Variants in SCUBE2 observed in about 807,000 individuals in gnomAD.
SCUBE2 encodes the protein signal peptide, CUB and EGF-like domain-containing protein 2.
A neutral mutation model predicts 125.9 loss-of-function variants in SCUBE2; 114 were observed. The observed-to-expected ratio is 0.91, with a 90% CI of 0.78 to 1.06. The LOEUF is 1.06. SCUBE2 is among the 50% of genes least tolerant of loss of function. The pLI is 0.00. For missense variants in SCUBE2, 1,255 were observed against 1,301.8 expected, an observed-to-expected ratio of 0.96 and a Z score of 0.55; for synonymous variants, 459 against 492.9, an observed-to-expected ratio of 0.93 and a Z score of 0.91.
intron 7 of SCUBE2, 51 bp from the exon 8 acceptor site, chr11:9,060,575 C>A (rs1282172531): frequency 2.0e-6 from 3 of 1,497,794 alleles, no homozygotes; most frequent in African/African-American, 2.7e-5. Context: ...AGTGCTGATA[C>A]AGCTGACGAA....
intron 5 of SCUBE2, among the ~76,000 whole-genome samples, chr11:9,068,070 G>A (rs966887373): frequency 6.6e-5 from 10 of 152,202 alleles, no homozygotes; most frequent in Non-Finnish European, 1.5e-5. Flanking sequence ...GCTTGAGTGT[G>A]ATGGTGGCAC....
chr11:9,035,201 G>A (rs1856658589), intron 16 of SCUBE2, among the ~76,000 whole-genome samples: 1 of 152,164 alleles, frequency 6.6e-6, no homozygotes, highest in Non-Finnish European at 1.5e-5. Context: ...ACTAACATTT[G>A]TTGAGTACTT....
intron 16 of SCUBE2, among the ~76,000 whole-genome samples, chr11:9,036,578 G>T (rs947880182): frequency 1.3e-5 from 2 of 152,152 alleles, no homozygotes; most frequent in African/African-American, 4.8e-5. Flanking sequence ...ACTCATCCAC[G>T]GAAGGGAAAG....
At chr11:9,048,164 G>C in intron 14 of SCUBE2, 66 bp from the exon 15 acceptor site, 1 of 1,502,782 alleles carries the variant, frequency 6.7e-7, no homozygotes, top group Non-Finnish European at 9.0e-7. Context: ...ACATTTGCTA[G>C]AGCTCAGTAA....
At chr11:9,045,657 C>A (rs917167879) in intron 16 of SCUBE2, among the ~76,000 whole-genome samples, 2 of 147,168 alleles carry the variant, frequency 1.4e-5, no homozygotes, top group Non-Finnish European at 3.0e-5. Context: ...ACACACACAG[C>A]CTTGTCTATG....
chr11:9,058,105 C>T (rs1859278545), intron 9 of SCUBE2, among the ~76,000 whole-genome samples: 1 of 152,134 alleles, frequency 6.6e-6, no homozygotes, highest in Non-Finnish European at 1.5e-5. Context: ...GCATCTCCTC[C>T]CCACAAGCCC....
At chr11:9,034,347 G>C (rs1856581080) in intron 16 of SCUBE2, among the ~76,000 whole-genome samples, 1 of 152,120 alleles carries the variant, frequency 6.6e-6, no homozygotes, top group South Asian at 2.1e-4. Context: ...GGAGAGGAAA[G>C]AAAAGATTGG....
chr11:9,031,133 C>T (rs1856267442), intron 17 of SCUBE2: 3 of 496,918 alleles, frequency 6.0e-6, no homozygotes, highest in Admixed American at 3.6e-5. Context: ...CAGGGCTACA[C>T]AGCACAGTGC....
Position 9,030,890 on chromosome 11 carries a change from AGCCATCT to A in SCUBE2, c.2202_2208del (p.Asp735LeufsTer94), listed in dbSNP as rs768172960. 24 of 1,614,002 alleles carry A rather than the reference AGCCATCT, an allele frequency of 1.5e-5. 1 individual carries two copies. In the South Asian group the frequency reaches 2.4e-4, roughly 16 times the overall value. On this transcript the variant is annotated frameshift_variant, in exon 18 of 23. Transcript: ENST00000649792. LOFTEE classifies it high-confidence loss of function. ...AGGGCACAGAGCTGGCAAGGTGCAA[AGCCATCT>A]GCAGAATATTCACCAGGTTGACACA...
intron 9 of SCUBE2, among the ~76,000 whole-genome samples, chr11:9,056,220 A>G (rs568658905): frequency 1.3e-5 from 2 of 152,348 alleles, no homozygotes; most frequent in African/African-American, 4.8e-5. Flanking sequence ...AAGCCAAATG[A>G]GATAACATAC....
intron 22 of SCUBE2, 111 bp from the exon 23 acceptor site, chr11:9,021,308 A>G: frequency 1.2e-6 from 1 of 835,096 alleles, no homozygotes; most frequent in Non-Finnish European, 1.7e-6. Context: ...TAGCTGAAAA[A>G]CACTTGCAAA....
chr11:9,066,588 G>T, intron 6 of SCUBE2, 109 bp downstream of exon 6: 1 of 888,860 alleles, frequency 1.1e-6, no homozygotes, highest in Non-Finnish European at 1.8e-6. Flanking sequence ...TGCTGGGGGG[G>T]CAAATGCACA....
intron 4 of SCUBE2, among the ~76,000 whole-genome samples, chr11:9,073,667 C>T (rs551964772): frequency 1.8e-4 from 27 of 152,164 alleles, no homozygotes; most frequent in African/African-American, 6.5e-4. Context: ...AGGGCACTTC[C>T]CCTAAAAATA....
At chr11:9,058,728 G>T (rs1859367764) in intron 9 of SCUBE2, among the ~76,000 whole-genome samples, 1 of 151,592 alleles carries the variant, frequency 6.6e-6, no homozygotes, top group South Asian at 2.1e-4. Context: ...GGCGGAGGTT[G>T]CAGTGAACCA....
At chr11:9,058,413 T>C (rs1053774119) in intron 9 of SCUBE2, among the ~76,000 whole-genome samples, 3 of 151,396 alleles carry the variant, frequency 2.0e-5, no homozygotes, top group African/African-American at 4.9e-5. Context: ...CTGACCAACA[T>C]AGGGAAACCC....
chr11:9,062,456 G>C (rs1329601340), intron 7 of SCUBE2, among the ~76,000 whole-genome samples: 1 of 152,166 alleles, frequency 6.6e-6, no homozygotes, highest in African/African-American at 2.4e-5. Flanking sequence ...CAAATCAATA[G>C]AATATCCAAT....
chr11:9,019,982 T>C lies in SCUBE2; in HGVS notation c.*1063A>G, dbSNP rs980416442. On this transcript the variant is annotated 3_prime_UTR_variant, in exon 23 of 23. Transcript: ENST00000649792. ...GATCGTGTGGCATTCAGGGGGTGTT[T>C]CTGGCAGTGCTGTTACTGTTAGAGA... Among the ~76,000 whole-genome samples the C allele has an allele frequency of 3.3e-5, 5 of 152,160 alleles. No individual in the cohort carries two copies. Among genetic ancestry groups the C allele is most frequent in the Non-Finnish European group, 7.4e-5 (5 of 68,020 alleles).
Position 9,091,577 on chromosome 11 carries a change from GGCGGCGGCGC to G in SCUBE2, c.-59_-50del, listed in dbSNP as rs1184386253. The G allele has an allele frequency of 5.3e-5, 21 of 396,444 alleles. No homozygotes were observed. The highest frequency in any genetic ancestry group is 2.0e-5 in the Non-Finnish European group (5 of 254,914). 24.6% of individuals were successfully genotyped at this position (396,444 alleles called of 1,614,324 possible). A position where few individuals can be genotyped will look rare whatever the true frequency, so the allele number is the denominator to read the frequency against. ...GAGGCGGCGGAGTGCGGGCGGTGGC[GGCGGCGGCGC>G]GGGGAGGTGTGCGCGGACGCCCTGC... On this transcript the variant is annotated 5_prime_UTR_variant, in exon 1 of 23. Transcript: ENST00000649792. This position sits in a 1 kb window ranked among gnomAD's most constrained non-coding sequence, Gnocchi z 8.5.
intron 2 of SCUBE2, among the ~76,000 whole-genome samples, chr11:9,081,673 CAAAA>C (rs76482625): frequency 0.29 from 23,893 of 82,034 alleles, 1,988 homozygotes; most frequent in East Asian, 0.45. Flanking sequence ...AACAAACAAA[CAAAA>C]AAAAAAAACC....
Sources: allele counts gnomAD v4.1 joint callset (sites outside exome capture counted in the v4.1 genomes callset), GRCh38; gene constraint gnomAD v4.1.1; non-coding constraint Gnocchi (gnomAD v3.1); transcripts MANE v1.5; gene names NCBI Gene and HGNC (gene_info 2026-07-23, HGNC 2026-07-21).